Variants in LRRC69 observed in about 807,000 individuals in gnomAD.
LRRC69 encodes the protein leucine-rich repeat-containing protein 69.
A neutral mutation model predicts 37.8 loss-of-function variants in LRRC69; 42 were observed. The ratio of observed to expected loss-of-function variants is 1.11; its 90% CI spans 0.87 to 1.44. The LOEUF (loss-of-function observed/expected upper bound fraction) is 1.44, where lower values mean the gene tolerates loss of function less well. Among genes scored for constraint, LRRC69 ranks in the 40% most tolerant of loss-of-function variants. LRRC69 has a pLI of 0.00. For synonymous variants in LRRC69, 141 were observed against 143.1 expected (o/e 0.99, Z 0.11); for missense variants, 357 against 401.9 (o/e 0.89, Z 0.96).
chr8:91,171,277 C>A (rs1331143931), intron 5 of LRRC69, among the ~76,000 whole-genome samples: 1 of 138,130 alleles, frequency 7.2e-6, no homozygotes, highest in African/African-American at 2.8e-5. Flanking sequence ...CTCCTCTTAC[C>A]CCCCATGAAA....
intron 5 of LRRC69, among the ~76,000 whole-genome samples, chr8:91,148,994 A>G (rs36159981): frequency 0.033 from 4,798 of 146,458 alleles, 145 homozygotes; most frequent in Middle Eastern, 0.093. Flanking sequence ...CCCTTTGTCA[A>G]ATGAGTAGAT....
intron 5 of LRRC69, among the ~76,000 whole-genome samples, chr8:91,154,135 G>T (rs1586251090): frequency 6.6e-6 from 1 of 151,584 alleles, no homozygotes; most frequent in African/African-American, 2.4e-5. Context: ...TCAATTCCTG[G>T]ACACATACAC....
intron 6 of LRRC69, among the ~76,000 whole-genome samples, chr8:91,190,368 A>G (rs1381675092): frequency 6.6e-6 from 1 of 152,028 alleles, no homozygotes; most frequent in East Asian, 1.9e-4. Flanking sequence ...AATTTCTTAT[A>G]CTGACTTTTA....
intron 5 of LRRC69, among the ~76,000 whole-genome samples, chr8:91,148,136 G>A (rs988729818): frequency 7.9e-5 from 12 of 151,376 alleles, no homozygotes; most frequent in Non-Finnish European, 1.2e-4. Context: ...CAACGTGCAG[G>A]TTAGTTACAT....
chr8:91,215,263 A>T (rs767974333), intron 7 of LRRC69, among the ~76,000 whole-genome samples: 77 of 152,284 alleles, frequency 5.1e-4, no homozygotes, highest in Non-Finnish European at 1.0e-3. Flanking sequence ...TTTTCCTGAG[A>T]AAACAGGAAA....
intron 5 of LRRC69, among the ~76,000 whole-genome samples, chr8:91,144,854 GCT>G (rs1808590700): frequency 2.6e-5 from 4 of 151,894 alleles, no homozygotes; most frequent in African/African-American, 9.6e-5. Context: ...TATTTTTTGT[GCT>G]TAATACAAAA....
chr8:91,134,161 G>A (rs546474517), intron 4 of LRRC69, among the ~76,000 whole-genome samples: 15 of 151,330 alleles, frequency 9.9e-5, no homozygotes, highest in African/African-American at 3.6e-4. Flanking sequence ...CTAGCAGGAA[G>A]TGACAGGGCA....
intron 2 of LRRC69, among the ~76,000 whole-genome samples, chr8:91,126,413 C>T (rs1337329333): frequency 6.6e-6 from 1 of 151,892 alleles, no homozygotes; most frequent in Admixed American, 6.6e-5. Context: ...ATTAGGTGCC[C>T]ATGTTTTCAA....
intron 2 of LRRC69, among the ~76,000 whole-genome samples, chr8:91,125,466 G>A (rs1813700401): frequency 6.6e-6 from 1 of 151,632 alleles, no homozygotes; most frequent in African/African-American, 2.4e-5. Context: ...CATGTATCTT[G>A]GAACAATATT....
At chr8:91,202,077 G>T (rs1000322077) in intron 7 of LRRC69, among the ~76,000 whole-genome samples, 5 of 152,012 alleles carry the variant, frequency 3.3e-5, no homozygotes, top group Non-Finnish European at 7.4e-5. Context: ...GTGGTGATGG[G>T]CGCCTGTAAT....
intron 7 of LRRC69, among the ~76,000 whole-genome samples, chr8:91,211,617 T>TATA (rs1491299767): frequency 1.4e-3 from 165 of 119,694 alleles, no homozygotes; most frequent in South Asian, 1.0e-3. Flanking sequence ...TATATATATA[T>TATA]TTTTTTTTTA....
intron 5 of LRRC69, among the ~76,000 whole-genome samples, chr8:91,135,997 A>G (rs1033302383): frequency 1.3e-5 from 2 of 151,910 alleles, no homozygotes; most frequent in African/African-American, 4.8e-5. Context: ...CTATGATTAA[A>G]TTTTTTGGTT....
intron 5 of LRRC69, 128 bp from the exon 6 acceptor site, chr8:91,189,394 A>G (rs1210827243): frequency 9.4e-6 from 6 of 636,518 alleles, no homozygotes; most frequent in Non-Finnish European, 1.6e-5. Context: ...ACTTAAATCC[A>G]CATTAGTATT....
At chr8:91,197,542 G>T (rs1383148169) in intron 6 of LRRC69, among the ~76,000 whole-genome samples, 2 of 152,234 alleles carry the variant, frequency 1.3e-5, no homozygotes, top group East Asian at 1.9e-4. Flanking sequence ...ATATTATCTC[G>T]TGGTGCGCCG....
At chr8:91,176,400 C>G (rs1393527037) in intron 5 of LRRC69, among the ~76,000 whole-genome samples, 2 of 151,926 alleles carry the variant, frequency 1.3e-5, no homozygotes, top group African/African-American at 4.8e-5. Flanking sequence ...CTGCCTAGGC[C>G]TCCCAAAGTG....
intron 5 of LRRC69, among the ~76,000 whole-genome samples, chr8:91,168,422 C>A (rs1390219064): frequency 2.6e-5 from 4 of 151,916 alleles, no homozygotes; most frequent in African/African-American, 7.2e-5. Context: ...TGTCACAGTT[C>A]TGGCTAGGGA....
intron 1 of LRRC69, among the ~76,000 whole-genome samples, chr8:91,109,961 T>G (rs1813381366): frequency 6.6e-6 from 1 of 152,002 alleles, no homozygotes. Context: ...ACAGATTTCT[T>G]TAAAAAAAGG....
chr8:91,180,899 C>G (rs1193439691), intron 5 of LRRC69, among the ~76,000 whole-genome samples: 1 of 151,886 alleles, frequency 6.6e-6, no homozygotes, highest in African/African-American at 2.4e-5. Context: ...AACAAAATAA[C>G]TGAGAGAAAA....
chr8:91,128,867 G>T (rs963389997), intron 3 of LRRC69, among the ~76,000 whole-genome samples: 1 of 151,902 alleles, frequency 6.6e-6, no homozygotes, highest in African/African-American at 2.4e-5. Flanking sequence ...TTCTCCTCTT[G>T]CCCTGCCATG....
Sources: allele counts gnomAD v4.1 joint callset (sites outside exome capture counted in the v4.1 genomes callset), GRCh38; gene constraint gnomAD v4.1.1; transcripts MANE v1.5; gene names NCBI Gene and HGNC (gene_info 2026-07-23, HGNC 2026-07-21).